The following NREP variants were observed in gnomAD, a reference collection of about 807,000 sequenced individuals.
NREP encodes the protein neuronal regeneration related protein.
In NREP, 5 loss-of-function variants were observed where a neutral mutation model predicts 8.6. That is an observed-to-expected ratio of 0.58 (90% CI 0.30 to 1.22). NREP has a LOEUF of 1.22. Ranked by LOEUF, NREP falls within the 50% of genes most tolerant of loss-of-function variation. The pLI is 0.07. For synonymous variants in NREP, 27 were observed against 28.0 expected (o/e 0.96, Z 0.11); for missense variants, 86 against 82.5 (o/e 1.04, Z -0.17).
At chr5:111,885,673 C>G (rs1754223631) in intron 2 of NREP, among the ~76,000 whole-genome samples, 1 of 152,098 alleles carries the variant, frequency 6.6e-6, no homozygotes, top group Non-Finnish European at 1.5e-5. Context: ...TGCCGCATAT[C>G]TTCAACTATC....
chr5:111,884,743 A>C (rs1419205624), intron 2 of NREP, among the ~76,000 whole-genome samples: 1 of 152,184 alleles, frequency 6.6e-6, no homozygotes, highest in Non-Finnish European at 1.5e-5. Context: ...ATCTCAATAG[A>C]TGCAGAAAAG....
At chr5:111,779,813 T>C (rs1751450589) in intron 2 of NREP, among the ~76,000 whole-genome samples, 1 of 152,230 alleles carries the variant, frequency 6.6e-6, no homozygotes, top group African/African-American at 2.4e-5. Flanking sequence ...GATGCTGAAT[T>C]GTACAGTATG....
At chr5:111,825,114 T>C (rs993259705) in intron 2 of NREP, among the ~76,000 whole-genome samples, 1 of 152,208 alleles carries the variant, frequency 6.6e-6, no homozygotes, top group African/African-American at 2.4e-5. Flanking sequence ...ATTAAACTGC[T>C]TTCATATTCT....
upstream of NREP, among the ~76,000 whole-genome samples, chr5:111,758,581 C>G (rs1281801875): frequency 6.6e-6 from 1 of 152,070 alleles, no homozygotes; most frequent in Non-Finnish European, 1.5e-5. Context: ...AATTAAATTG[C>G]CTTTCCAAGA....
chr5:111,930,772 C>T (rs1416658823), intron 2 of NREP, among the ~76,000 whole-genome samples: 1 of 152,178 alleles, frequency 6.6e-6, no homozygotes, highest in African/African-American at 2.4e-5. Context: ...TCACTCACAG[C>T]AGTCTCTCTC....
At chr5:111,735,554 A>G in intron 2 of NREP, 47 bp from the exon 3 acceptor site, 1 of 1,352,116 alleles carries the variant, frequency 7.4e-7, no homozygotes, top group South Asian at 1.2e-5. Flanking sequence ...AACAGGATCC[A>G]CTCTGAAACT....
chr5:111,958,136 T>C (rs1368696054), intron 2 of NREP, among the ~76,000 whole-genome samples: 1 of 151,914 alleles, frequency 6.6e-6, no homozygotes, highest in African/African-American at 2.4e-5. Context: ...AAAATTTATG[T>C]GTAAAAATAA....
rs57727316 is a variant in NREP, at chr5:111,777,355, A to AGT, written c.136-41850_136-41849dup. Among the ~76,000 whole-genome samples, 1,008 of 148,738 alleles carry AGT rather than the reference A, an allele frequency of 6.8e-3. 5 individuals are homozygous for AGT. The highest frequency in any genetic ancestry group is 8.5e-3 in the African/African-American group (344 of 40,684). ...AGTGTGTGGTGTGGGTGTGTGTGTG[A>AGT]GTGTGTGTGTGTGTGTGTGTGTTTT... On this transcript the variant is annotated intron_variant, in intron 2 of 3. Coordinates refer to the NREP transcript ENST00000395634.
chr5:111,785,088 T>A (rs1344689496), intron 2 of NREP, among the ~76,000 whole-genome samples: 1 of 152,114 alleles, frequency 6.6e-6, no homozygotes, highest in Non-Finnish European at 1.5e-5. Context: ...CTATATCCTG[T>A]TTTGCCTGGA....
At chr5:111,888,925 C>T (rs1754326696) in intron 2 of NREP, among the ~76,000 whole-genome samples, 1 of 152,102 alleles carries the variant, frequency 6.6e-6, no homozygotes, top group Admixed American at 6.6e-5. Flanking sequence ...GGGTTGTGAT[C>T]ATCAGTGGAT....
intron 2 of NREP, among the ~76,000 whole-genome samples, chr5:111,901,007 C>T (rs1754634147): frequency 6.6e-6 from 1 of 152,102 alleles, no homozygotes; most frequent in South Asian, 2.1e-4. Flanking sequence ...CAACAATCCT[C>T]AAGAAAATAC....
intron 2 of NREP, among the ~76,000 whole-genome samples, chr5:111,869,634 T>G (rs1287220968): frequency 6.6e-6 from 1 of 152,110 alleles, no homozygotes; most frequent in Non-Finnish European, 1.5e-5. Flanking sequence ...CAAATGCTCA[T>G]GTGGAGAGAA....
At chr5:111,798,881 C>T (rs1009542996) in intron 2 of NREP, among the ~76,000 whole-genome samples, 7 of 152,048 alleles carry the variant, frequency 4.6e-5, no homozygotes, top group African/African-American at 1.4e-4. Flanking sequence ...TGCTGCTATA[C>T]ACATGTGTGT....
chr5:111,909,692 T>C (rs934240697), intron 2 of NREP, among the ~76,000 whole-genome samples: 1 of 152,098 alleles, frequency 6.6e-6, no homozygotes, highest in African/African-American at 2.4e-5. Context: ...TATCCTTTCA[T>C]AATGGCTTGG....
chr5:111,905,063 G>T (rs1459274356), intron 2 of NREP, among the ~76,000 whole-genome samples: 3 of 152,022 alleles, frequency 2.0e-5, no homozygotes, highest in Non-Finnish European at 2.9e-5. Context: ...TGGGATATCA[G>T]GTAATCACTC....
intron 2 of NREP, among the ~76,000 whole-genome samples, chr5:111,773,258 C>T (rs1252607544): frequency 1.3e-5 from 2 of 151,994 alleles, no homozygotes; most frequent in Non-Finnish European, 2.9e-5. Flanking sequence ...AAACTATGTT[C>T]TGGGAAGATA....
intron 2 of NREP, among the ~76,000 whole-genome samples, chr5:111,884,688 G>A (rs949864159): frequency 2.0e-5 from 3 of 152,188 alleles, no homozygotes; most frequent in African/African-American, 4.8e-5. Flanking sequence ...ATCAATAAAT[G>A]CAGTCCAGCA....
chr5:111,768,772 A>G (rs1303233664), intron 2 of NREP, among the ~76,000 whole-genome samples: 1 of 152,190 alleles, frequency 6.6e-6, no homozygotes, highest in Admixed American at 6.5e-5. Context: ...ATTGATGGGC[A>G]CGTAGGTTGA....
At chr5:111,750,099 T>G (rs1366832641) in intron 2 of NREP, among the ~76,000 whole-genome samples, 2 of 152,140 alleles carry the variant, frequency 1.3e-5, no homozygotes, top group Non-Finnish European at 2.9e-5. Flanking sequence ...AGTCCTTGAC[T>G]TCTAGGTCTA....
Sources: allele counts gnomAD v4.1 joint callset (sites outside exome capture counted in the v4.1 genomes callset), GRCh38; gene constraint gnomAD v4.1.1; transcripts MANE v1.5; gene names NCBI Gene and HGNC (gene_info 2026-07-23, HGNC 2026-07-21).